The following ASCC3 variants were observed in gnomAD, a reference collection of about 807,000 sequenced individuals.
ASCC3 encodes the protein ASC-1 complex subunit P200.
ASCC3 carries 158 observed loss-of-function variants against 256.3 expected under a neutral mutation model. The ratio of observed to expected loss-of-function variants is 0.62; its 90% CI spans 0.54 to 0.70. The LOEUF (loss-of-function observed/expected upper bound fraction) is 0.70. Ranked by LOEUF, ASCC3 falls within the 30% of genes least tolerant of loss-of-function variation. The pLI is 0.00. For missense variants in ASCC3, 2,259 were observed against 2,626.0 expected (o/e 0.86, Z 3.05); for synonymous variants, 948 against 883.4 (o/e 1.07, Z -1.30).
chr6:100,572,735 AGTTGTT>A (rs925675164), intron 36 of ASCC3, among the ~76,000 whole-genome samples: 5 of 152,090 alleles, frequency 3.3e-5, no homozygotes, highest in African/African-American at 7.2e-5. Context: ...GTGTTAACAT[AGTTGTT>A]GTTGTTGTTG....
intron 19 of ASCC3, 36 bp downstream of exon 19, chr6:100,651,524 T>A (rs1286983751): frequency 2.1e-5 from 26 of 1,220,452 alleles, no homozygotes; most frequent in Non-Finnish European, 3.0e-5. Flanking sequence ...TGCATACATG[T>A]TGTATGCATT....
intron 4 of ASCC3, among the ~76,000 whole-genome samples, chr6:100,809,920 G>C (rs987288802): frequency 1.3e-5 from 2 of 151,976 alleles, no homozygotes; most frequent in Non-Finnish European, 2.9e-5. Flanking sequence ...TAGTATCCCA[G>C]CCCACCTACA....
chr6:100,764,547 T>C, intron 10 of ASCC3, among the ~76,000 whole-genome samples: 1 of 152,230 alleles, frequency 6.6e-6, no homozygotes, highest in East Asian at 1.9e-4. Flanking sequence ...TCTGATGTCA[T>C]ATATAAGGCA....
intron 14 of ASCC3, among the ~76,000 whole-genome samples, chr6:100,672,020 C>A (rs1776776981): frequency 6.6e-6 from 1 of 151,938 alleles, no homozygotes; most frequent in Admixed American, 6.6e-5. Flanking sequence ...TTTATGTCAG[C>A]CTTTTCTTTG....
intron 37 of ASCC3, among the ~76,000 whole-genome samples, chr6:100,521,583 T>C (rs776601589): frequency 2.6e-5 from 4 of 152,146 alleles, no homozygotes; most frequent in Non-Finnish European, 4.4e-5. Context: ...GTACTATCCA[T>C]GGTTTTAGGC....
At chr6:100,673,988 G>A (rs1012956375) in intron 14 of ASCC3, among the ~76,000 whole-genome samples, 7 of 151,846 alleles carry the variant, frequency 4.6e-5, no homozygotes, top group African/African-American at 7.3e-5. Flanking sequence ...AAAATTACTG[G>A]CTTGAATTAA....
At chr6:100,562,643 G>A (rs1324182530) in intron 36 of ASCC3, among the ~76,000 whole-genome samples, 1 of 151,884 alleles carries the variant, frequency 6.6e-6, no homozygotes, top group Non-Finnish European at 1.5e-5. Flanking sequence ...GAGAGATACT[G>A]GTCTTTACGG....
At chr6:100,624,790 G>A (rs1774145101) in intron 30 of ASCC3, among the ~76,000 whole-genome samples, 1 of 151,908 alleles carries the variant, frequency 6.6e-6, no homozygotes, top group Non-Finnish European at 1.5e-5. Context: ...TTTACTGGTG[G>A]TTATTACTTA....
chr6:100,761,386 G>A (rs1397432500), intron 10 of ASCC3, among the ~76,000 whole-genome samples: 1 of 152,192 alleles, frequency 6.6e-6, no homozygotes, highest in Non-Finnish European at 1.5e-5. Flanking sequence ...TATTCAGGAG[G>A]CTGAGAGGAG....
chr6:100,572,087 G>A (rs113085734), intron 36 of ASCC3, among the ~76,000 whole-genome samples: 11 of 152,182 alleles, frequency 7.2e-5, no homozygotes, highest in African/African-American at 1.2e-4. Flanking sequence ...CTATATAGAC[G>A]ATGCTATAGA....
intron 17 of ASCC3, 62 bp downstream of exon 17, chr6:100,655,637 T>C (rs1390667690): frequency 6.4e-7 from 1 of 1,552,324 alleles, no homozygotes; most frequent in Non-Finnish European, 8.8e-7. Flanking sequence ...ATATCTATCC[T>C]CATATCATGA....
chr6:100,532,831 T>C (rs1267235133), intron 37 of ASCC3, among the ~76,000 whole-genome samples: 1 of 152,146 alleles, frequency 6.6e-6, no homozygotes, highest in Admixed American at 6.5e-5. Flanking sequence ...AAAAGAAAAA[T>C]CTGAAAATTT....
chr6:100,651,052 T>C (rs1362723712), intron 19 of ASCC3, among the ~76,000 whole-genome samples: 7 of 151,716 alleles, frequency 4.6e-5, no homozygotes, highest in African/African-American at 1.7e-4. Flanking sequence ...GAGTAAAACC[T>C]CTGCCCAACT....
intron 22 of ASCC3, 103 bp from the exon 23 acceptor site, chr6:100,644,232 T>C: frequency 2.6e-6 from 2 of 779,724 alleles, no homozygotes; most frequent in Non-Finnish European, 4.5e-6. Context: ...ATCATTTATA[T>C]TACAAAGTTT....
Position 100,766,595 on chromosome 6 carries a change from C to T in ASCC3, c.1707G>A (p.Gln569=). The T allele has an allele frequency of 6.2e-7, 1 of 1,614,028 alleles. No individual in the cohort carries two copies. ...TTCGTAAAATTTCACTTTTGGACAA[C>T]TGCATGTCACCAGTCAATTCTTTCA... ...IIVKELTGDM[Q]LSKSEILRTQ... is the part of the protein sequence containing the mutation. The change falls in exon 10 of 42, where the codon CAG becomes CAA. Residue 569 remains glutamine (Q), a synonymous_variant. Transcript: ENST00000369162.
intron 22 of ASCC3, among the ~76,000 whole-genome samples, chr6:100,645,012 A>G (rs944419334): frequency 6.6e-6 from 1 of 152,202 alleles, no homozygotes; most frequent in African/African-American, 2.4e-5. Context: ...ACCTTTCATT[A>G]TGAAAGATAA....
At chr6:100,872,991 C>G (rs936224634) in intron 1 of ASCC3, among the ~76,000 whole-genome samples, 2 of 152,042 alleles carry the variant, frequency 1.3e-5, no homozygotes, top group Non-Finnish European at 1.5e-5. Context: ...TAACACCCCC[C>G]CCAAAAAATC....
chr6:100,859,169 T>C (rs778375211), intron 3 of ASCC3: 19 of 779,964 alleles, frequency 2.4e-5, no homozygotes, highest in Non-Finnish European at 4.1e-5. Flanking sequence ...CTCTTTTCCA[T>C]CCAGCCTCCT....
intron 30 of ASCC3, among the ~76,000 whole-genome samples, chr6:100,607,420 T>C (rs907646760): frequency 4.0e-5 from 6 of 151,878 alleles, no homozygotes; most frequent in Non-Finnish European, 8.8e-5. Context: ...TCTCTTGTTA[T>C]AAAAAACACT....
Sources: gnomAD v4.1 joint callset for allele counts (sites outside exome capture counted in the v4.1 genomes callset) on GRCh38, gnomAD v4.1.1 for gene constraint, MANE v1.5 for transcripts, NCBI Gene and HGNC (gene_info 2026-07-23, HGNC 2026-07-21) for gene names.